FBN3: variants seen among roughly 807,000 people sequenced by gnomAD.
The protein encoded by FBN3 is fibrillin 3, also known as fibrillin-3.
In FBN3, 234 loss-of-function variants were observed where a neutral mutation model predicts 330.1. That is an observed-to-expected ratio of 0.71 (90% CI 0.64 to 0.79). The LOEUF (loss-of-function observed/expected upper bound fraction) is 0.79, where lower values mean the gene tolerates loss of function less well. Ranked by LOEUF, FBN3 falls within the 30% of genes least tolerant of loss-of-function variation. The probability of loss-of-function intolerance (pLI) is 0.00; values close to 1 mark genes in which losing one functional copy is unlikely to be tolerated. For synonymous variants in FBN3, 1,458 were observed against 1,517.3 expected, an observed-to-expected ratio of 0.96 and a Z score of 0.91; for missense variants, 3,606 against 3,886.9, an observed-to-expected ratio of 0.93 and a Z score of 1.92.
At position 8,085,498 on chromosome 19, in the gene FBN3, C is replaced by T. The variant is rs151083198; in HGVS notation, c.6952G>A (p.Ala2318Thr). The T allele has an allele frequency of 4.3e-4, 691 of 1,593,954 alleles. No homozygotes were observed. In the Middle Eastern group the frequency reaches 6.5e-3, roughly 15 times the overall value. ...CAGCAGCACTCGGCCCTGGTGACAGCCTCACTGCTGCTGGACAGAGACCGG... is the reference window on the plus strand; with the variant it reads ...CAGCAGCACTCGGCCCTGGTGACAGTCTCACTGCTGCTGGACAGAGACCGG... ...MCRSLSSSSE[A>T]VTRAECCCGG... The change falls in exon 56 of 64, where the codon GCT (alanine) becomes ACT (threonine). Residue 2318 changes from alanine to threonine, a missense_variant. Coordinates refer to ENST00000600128, the MANE Select transcript of FBN3 (RefSeq NM_032447.5).
At chr19:8,090,659 T>G (rs1321300489) in intron 48 of FBN3, among the ~76,000 whole-genome samples, 1 of 152,038 alleles carries the variant, frequency 6.6e-6, no homozygotes, top group Non-Finnish European at 1.5e-5. Context: ...AATTTTTGTA[T>G]TTTTAGTAGA....
At chr19:8,116,080 G>T (rs1427559352) in intron 29 of FBN3, among the ~76,000 whole-genome samples, 2 of 152,088 alleles carry the variant, frequency 1.3e-5, no homozygotes, top group Admixed American at 1.3e-4. Context: ...TGCTCTCTGA[G>T]ACTCCTATAA....
chr19:8,096,759 A>G lies in FBN3; in HGVS notation c.5413+122T>C, dbSNP rs2082217966. The G allele has an allele frequency of 3.8e-6, 5 of 1,316,498 alleles. No individual in the cohort carries two copies. The highest frequency in any genetic ancestry group is 5.2e-6 in the Non-Finnish European group (5 of 953,616). 81.6% of individuals were successfully genotyped at this position (1,316,498 alleles called of 1,614,324 possible). On this transcript the variant is annotated intron_variant, in intron 43 of 63. Transcript: ENST00000600128. This position sits in a 1 kb window ranked among gnomAD's most constrained non-coding sequence, Gnocchi z 4.6. ...CATCCTATTAACAGACACTCTCAATACATCCCCCACCCCCCTAATAGTATA... is the reference window on the plus strand; with the variant it reads ...CATCCTATTAACAGACACTCTCAATGCATCCCCCACCCCCCTAATAGTATA...
In FBN3 at chr19:8,095,491, C is replaced by T. The variant is rs183344960; in HGVS notation, c.5669G>A (p.Cys1890Tyr). Reference sequence around the variant, plus strand: ...GCACACCTGCCCCACCAGGGTAGTACACTCATCAAAATCTGTAGAGGGGAG... The same window carrying T: ...GCACACCTGCCCCACCAGGGTAGTATACTCATCAAAATCTGTAGAGGGGAG... ...HNGDCVDFDE[C>Y]TTLVGQVCRF... is the part of the protein sequence containing the mutation. The change falls in exon 46 of 64, where the codon TGT becomes TAT. Residue 1890 changes from cysteine (C) to tyrosine (Y), a missense_variant. Cys to Tyr is a radical substitution (Grantham distance 194). Coordinates refer to ENST00000600128, the MANE Select transcript of FBN3 (RefSeq NM_032447.5). 98 of 1,613,512 alleles carry T rather than the reference C, an allele frequency of 6.1e-5. No individual in the cohort carries two copies. Among genetic ancestry groups the T allele is most frequent in the Middle Eastern group, 1.7e-4 (1 of 6,060 alleles).
chr19:8,068,129 G>A (rs570462282), intron 63 of FBN3, among the ~76,000 whole-genome samples: 3 of 152,156 alleles, frequency 2.0e-5, no homozygotes, highest in East Asian at 3.9e-4. Flanking sequence ...GCTCACACCT[G>A]TAATCCCAGC....
At position 8,081,085 on chromosome 19, in the gene FBN3, A is replaced by C; in HGVS notation, c.7371T>G (p.Cys2457Trp). The C allele has an allele frequency of 6.2e-7, 1 of 1,613,792 alleles. No individual in the cohort carries two copies. The highest frequency in any genetic ancestry group is 8.5e-7 in the Non-Finnish European group (1 of 1,179,990). ...LDECTSRQHN[C>W]QFLCVNTVGA... Reference sequence around the variant, plus strand: ...CCACAGTGTTGACACAGAGGAACTGACAGTTGTGCTGCCGGGAGGTGCATT... The same window carrying C: ...CCACAGTGTTGACACAGAGGAACTGCCAGTTGTGCTGCCGGGAGGTGCATT... Residue 2457 changes from cysteine to tryptophan, a missense_variant, in exon 59 of 64, where the codon TGT (cysteine) becomes TGG (tryptophan). By Grantham distance (215) the Cys-to-Trp change is radical. Coordinates refer to ENST00000600128, the MANE Select transcript of FBN3 (RefSeq NM_032447.5).
In FBN3 at chr19:8,121,674, G is replaced by A. The variant is rs377401049; in HGVS notation, c.3083-288C>T. Among the ~76,000 whole-genome samples the A allele has an allele frequency of 1.3e-5, 2 of 152,098 alleles. No individual in the cohort carries two copies. The highest frequency in any genetic ancestry group is 2.4e-5 in the African/African-American group (1 of 41,426). On this transcript the variant is annotated intron_variant, in intron 24 of 63. Transcript: ENST00000600128. This position sits in a 1 kb window ranked among gnomAD's most constrained non-coding sequence, Gnocchi z 4.5. Reference sequence around the variant, plus strand: ...AAGGGCAGGCAGTTTTCTCACAGACGGGAGTTCTCCATTTTCTTTATTTTG... The same window carrying A: ...AAGGGCAGGCAGTTTTCTCACAGACAGGAGTTCTCCATTTTCTTTATTTTG...
At chr19:8,125,612 GA>G (rs1418454307) in intron 22 of FBN3, among the ~76,000 whole-genome samples, 4 of 151,998 alleles carry the variant, frequency 2.6e-5, no homozygotes, top group Non-Finnish European at 4.4e-5. Flanking sequence ...CCAACATGGT[GA>G]AACCCCATCT....
chr19:8,112,036 G>A lies in FBN3; in HGVS notation c.3902C>T (p.Pro1301Leu). Residue 1301 changes from proline to leucine, a missense_variant, in exon 31 of 64, where the codon CCG becomes CTG. Coordinates refer to ENST00000600128, the MANE Select transcript of FBN3 (RefSeq NM_032447.5). ...CDSHASCLNI[P>L]GSFSCRCLPG... ...CAGGCACCTACAGCTGAAACTCCCC[G>A]GGATGTTGAGACAGGAGGCGTGACT... 3.1e-6 allele frequency: 5 copies of A among 1,611,006 alleles called. No individual in the cohort carries two copies. Among genetic ancestry groups the A allele is most frequent in the South Asian group, 1.1e-5 (1 of 90,962 alleles).
At chr19:8,128,959 C>T (rs1205294514) in intron 18 of FBN3, 69 bp downstream of exon 18, 1 of 1,546,934 alleles carries the variant, frequency 6.5e-7, no homozygotes, top group Non-Finnish European at 8.7e-7. Flanking sequence ...TGTGCGTGCA[C>T]ACGCCACATG....
intron 47 of FBN3, 68 bp downstream of exon 47, chr19:8,094,378 C>G (rs781635686): frequency 6.5e-5 from 100 of 1,535,112 alleles, no homozygotes; most frequent in Non-Finnish European, 8.6e-5. Flanking sequence ...GCTGGTATTC[C>G]CATTTTATGG....
chr19:8,118,572 A>G (rs1166812815), intron 26 of FBN3, among the ~76,000 whole-genome samples: 3 of 149,232 alleles, frequency 2.0e-5, no homozygotes, highest in Non-Finnish European at 4.4e-5. Context: ...ACAGACGCAC[A>G]CACACACTCA....
intron 48 of FBN3, 43 bp downstream of exon 48, chr19:8,091,422 G>T (rs759543670): frequency 2.9e-6 from 4 of 1,362,862 alleles, no homozygotes; most frequent in East Asian, 2.5e-5. Flanking sequence ...ACCCTTCCCC[G>T]CCCCACTTCC....
At chr19:8,107,763 T>A (rs893852124) in intron 37 of FBN3, among the ~76,000 whole-genome samples, 1 of 147,766 alleles carries the variant, frequency 6.8e-6, no homozygotes, top group African/African-American at 2.5e-5. Flanking sequence ...GATGGCTGGA[T>A]GGAAGGATGT....
chr19:8,147,078 C>G (rs370251709), intron 3 of FBN3, 26 bp downstream of exon 3: 64 of 1,539,036 alleles, frequency 4.2e-5, no homozygotes, highest in South Asian at 3.6e-4. Context: ...TGTGCCCCCC[C>G]ACCTCCAGAC....
rs2082903368 is a variant in FBN3 at position 8,123,493 on chromosome 19, G to A, written c.3053C>T (p.Ala1018Val). Residue 1018 changes from alanine to valine, a missense_variant, in exon 24 of 64, where the codon GCC becomes GTC. Physicochemically the swap from Ala to Val is moderately conservative, Grantham distance 64. Transcript: ENST00000600128. The stretch of plus-strand genomic sequence containing the variant: ...GCAGTTCCGTTCCTGGGCATCCAGG[G>A]CGAAGCCCCCCGCACAGGCGCAGTG... ...SFHCACAGGF[A>V]LDAQERNCTD... The A allele has an allele frequency of 6.2e-7, 1 of 1,614,030 alleles. No individual in the cohort carries two copies. Among genetic ancestry groups the A allele is most frequent in the Middle Eastern group, 1.6e-4 (1 of 6,062 alleles).
Position 8,130,659 on chromosome 19 carries a change from G to GGAAAAGAAAAGAAAAGAAAA in FBN3, c.2044+556_2044+575dup, listed in dbSNP as rs1294557631. ...AAGAAAGAAAGGAAAGGAAAGGAAA[G>GGAAAAGAAAAGAAAAGAAAA]GAAAAGAAAAGAAAAGAAAAGAAAA... On this transcript the variant is annotated intron_variant, in intron 16 of 63. Coordinates refer to ENST00000600128, the MANE Select transcript of FBN3 (RefSeq NM_032447.5). 1.0e-3 allele frequency among the ~76,000 whole-genome samples: 38 copies of GGAAAAGAAAAGAAAAGAAAA among 37,250 alleles called. 2 individuals are homozygous for GGAAAAGAAAAGAAAAGAAAA. Among genetic ancestry groups the GGAAAAGAAAAGAAAAGAAAA allele is most frequent in the African/African-American group, 1.8e-3 (13 of 7,142 alleles). 24.4% of individuals were successfully genotyped at this position (37,250 alleles called of 152,430 possible).
At chr19:8,124,493 C>T (rs938148591) in intron 22 of FBN3, among the ~76,000 whole-genome samples, 10 of 151,410 alleles carry the variant, frequency 6.6e-5, no homozygotes, top group Non-Finnish European at 1.5e-5. Flanking sequence ...CCGCCTCAGC[C>T]TCCCAAAGTG....
intron 54 of FBN3, among the ~76,000 whole-genome samples, chr19:8,086,600 G>A (rs1197547025): frequency 6.7e-6 from 1 of 148,418 alleles, no homozygotes; most frequent in African/African-American, 2.5e-5. Flanking sequence ...GGGATTACAG[G>A]TGCCCGCCGC....
Sources: gnomAD v4.1 joint callset for allele counts (sites outside exome capture counted in the v4.1 genomes callset) on GRCh38, gnomAD v4.1.1 for gene constraint, Gnocchi (gnomAD v3.1) non-coding constraint, MANE v1.5 for transcripts, NCBI Gene and HGNC (gene_info 2026-07-23, HGNC 2026-07-21) for gene names.